The following SLC15A2 variants were observed in gnomAD, a reference collection of about 807,000 sequenced individuals.
SLC15A2 encodes kidney H(+)/peptide cotransporter.
A neutral mutation model predicts 95.5 loss-of-function variants in SLC15A2; 77 were observed. That is an observed-to-expected ratio of 0.81 (90% CI 0.67 to 0.97). The LOEUF (loss-of-function observed/expected upper bound fraction) is 0.97, where lower values mean the gene tolerates loss of function less well. SLC15A2 is among the 50% of genes least tolerant of loss of function. The pLI is 0.00. For missense variants in SLC15A2, 893 were observed against 874.4 expected, an observed-to-expected ratio of 1.02 and a Z score of -0.27; for synonymous variants, 306 against 306.9, an observed-to-expected ratio of 1.00 and a Z score of 0.03.
At chr3:121,935,816 G>T (rs1012194736) in intron 19 of SLC15A2, among the ~76,000 whole-genome samples, 26 of 152,176 alleles carry the variant, frequency 1.7e-4, no homozygotes, top group African/African-American at 4.6e-4. Flanking sequence ...GCTTTTGAAT[G>T]TGTTTGCTCT....
chr3:121,915,311 C>G lies in SLC15A2; in HGVS notation c.613C>G (p.Leu205Val), dbSNP rs568833467. 1.3e-6 allele frequency: 2 copies of G among 1,591,732 alleles called. No homozygotes were observed. Among genetic ancestry groups the G allele is most frequent in the Non-Finnish European group, 1.7e-6 (2 of 1,170,292 alleles). Residue 205 changes from leucine to valine, a missense_variant, in exon 6 of 22, where the codon CTG (leucine) becomes GTG (valine). By Grantham distance (32) the Leu-to-Val change is conservative. Coordinates refer to ENST00000489711, the MANE Select transcript of SLC15A2 (RefSeq NM_021082.4). ...SLISTFITPMLRGDVQCFGED... is the reference protein window; with the variant it reads ...SLISTFITPMVRGDVQCFGED... ...GATTTCTACATTTATCACACCCATGCTGAGAGGTTAGGATTTTTTTGAGGG... is the reference window on the plus strand; with the variant it reads ...GATTTCTACATTTATCACACCCATGGTGAGAGGTTAGGATTTTTTTGAGGG...
In SLC15A2 at chr3:121,900,452, G is replaced by A. The variant is rs79467306; in HGVS notation, c.335+2923G>A. 2.8e-4 allele frequency among the ~76,000 whole-genome samples: 43 copies of A among 152,174 alleles called. No homozygotes were observed. In the East Asian group the frequency reaches 8.3e-3, roughly 29 times the overall value. ...CCTACAATTGAGCATATATGCTACT[G>A]CCAAATTAATTTTCCTAAAAGAAAT... On this transcript the variant is annotated intron_variant, in intron 3 of 21. Coordinates refer to ENST00000489711, the MANE Select transcript of SLC15A2 (RefSeq NM_021082.4).
chr3:121,940,766 T>C, intron 21 of SLC15A2, 65 bp from the exon 22 acceptor site: 1 of 1,522,762 alleles, frequency 6.6e-7, no homozygotes, highest in Non-Finnish European at 8.9e-7. Context: ...CCACTCCTCA[T>C]CCTGTAAAGA....
intron 13 of SLC15A2, among the ~76,000 whole-genome samples, chr3:121,927,267 T>A (rs1283275406): frequency 1.3e-5 from 2 of 152,190 alleles, no homozygotes; most frequent in African/African-American, 4.8e-5. Flanking sequence ...ATGGTTTGAA[T>A]ATTTGTCCCT....
At chr3:121,919,774 A>G (rs1297916419) in intron 7 of SLC15A2, among the ~76,000 whole-genome samples, 1 of 152,246 alleles carries the variant, frequency 6.6e-6, no homozygotes, top group Non-Finnish European at 1.5e-5. Context: ...TTGGAAGGTG[A>G]CATGGATTCA....
intron 13 of SLC15A2, among the ~76,000 whole-genome samples, chr3:121,926,589 C>A (rs902250381): frequency 1.3e-5 from 2 of 152,210 alleles, no homozygotes; most frequent in Non-Finnish European, 2.9e-5. Context: ...CATGCAGAAA[C>A]CGGCTGCAGG....
chr3:121,894,592 A>G lies in SLC15A2; in HGVS notation c.105+11A>G, dbSNP rs370267434. On this transcript the variant is annotated intron_variant, in intron 1 of 21. Coordinates refer to ENST00000489711, the MANE Select transcript of SLC15A2 (RefSeq NM_021082.4). ...AAGAAGCCATCTCCGGTGAGTCCTTAGATTCAATCCTGCCTCTGAGAGGAA... is the reference window on the plus strand; with the variant it reads ...AAGAAGCCATCTCCGGTGAGTCCTTGGATTCAATCCTGCCTCTGAGAGGAA... The G allele has an allele frequency of 6.2e-7, 1 of 1,603,736 alleles. No individual in the cohort carries two copies. The highest frequency in any genetic ancestry group is 1.3e-5 in the African/African-American group (1 of 74,656).
chr3:121,932,165 A>G (rs753108437), intron 19 of SLC15A2, among the ~76,000 whole-genome samples: 2 of 152,092 alleles, frequency 1.3e-5, no homozygotes, highest in Non-Finnish European at 2.9e-5. Context: ...CAGCCTCCCA[A>G]AGTGTTGAGA....
rs1255337407 is a variant in SLC15A2 at position 121,940,378 on chromosome 3, C to A, written c.1909-6C>A. On this transcript the variant is annotated splice_polypyrimidine_tract_variant and splice_region_variant and intron_variant, in intron 20 of 21. Coordinates refer to ENST00000489711, the MANE Select transcript of SLC15A2 (RefSeq NM_021082.4). The stretch of plus-strand genomic sequence containing the variant: ...TTGTTTACTTTCAAACTTGTGTCAT[C>A]CCCAGGCTCCCTCTAGCATGAAATC... The A allele has an allele frequency of 6.2e-7, 1 of 1,612,284 alleles. No homozygotes were observed. Among genetic ancestry groups the A allele is most frequent in the East Asian group, 2.2e-5 (1 of 44,850 alleles).
chr3:121,922,979 A>T (rs1193902720), intron 9 of SLC15A2, 61 bp from the exon 10 acceptor site: 2 of 1,577,094 alleles, frequency 1.3e-6, no homozygotes, highest in African/African-American at 2.7e-5. Context: ...CTTCTACTTT[A>T]AGCAAGAAAG....
rs545269110 is a variant in SLC15A2, at chr3:121,925,845, A to C, written c.1124+812A>C. Among the ~76,000 whole-genome samples, 314 of 144,102 alleles carry C rather than the reference A, an allele frequency of 2.2e-3. 2 individuals carry two copies. Among genetic ancestry groups the C allele is most frequent in the Non-Finnish European group, 2.5e-3 (162 of 65,870 alleles). 94.5% of individuals were successfully genotyped at this position (144,102 alleles called of 152,430 possible). ...GAAGGGAAGATCAAGTGCCAAGGAG[A>C]GGTAGAAAAGAAAAAGTCCCTCCCC... On this transcript the variant is annotated intron_variant, in intron 13 of 21. Transcript: ENST00000489711.
chr3:121,934,736 C>G (rs935208592), intron 19 of SLC15A2, among the ~76,000 whole-genome samples: 3 of 152,144 alleles, frequency 2.0e-5, no homozygotes, highest in Non-Finnish European at 4.4e-5. Context: ...TCCTCTTTTC[C>G]TAATTGAATA....
chr3:121,939,355 A>G lies in SLC15A2; in HGVS notation c.1768A>G (p.Asn590Asp). 1 of 1,530,414 alleles carries G rather than the reference A, an allele frequency of 6.5e-7. No homozygotes were observed. The highest frequency in any genetic ancestry group is 1.3e-5 in the South Asian group (1 of 77,218). 94.8% of individuals were successfully genotyped at this position (1,530,414 alleles called of 1,614,324 possible). Residue 590 changes from asparagine to aspartate, a missense_variant, in exon 20 of 22, where the codon AAT becomes GAT. Asn to Asp is a conservative substitution (Grantham distance 23, BLOSUM62 1). Transcript: ENST00000489711. Reference sequence around the variant, plus strand: ...CATTTTCTCTTTCCCTAAGAACACCAATCAGGGTCTTCAGGCCTGGAAGAT... The same window carrying G: ...CATTTTCTCTTTCCCTAAGAACACCGATCAGGGTCTTCAGGCCTGGAAGAT... Reference protein sequence around the residue: ...AYLFVITNNTNQGLQAWKIED... With the variant: ...AYLFVITNNTDQGLQAWKIED...
chr3:121,940,711 C>T, intron 21 of SLC15A2, 120 bp from the exon 22 acceptor site: 1 of 1,090,856 alleles, frequency 9.2e-7, no homozygotes, highest in Non-Finnish European at 1.3e-6. Flanking sequence ...AGTCTTTGTC[C>T]AGCAAAAGTC....
At chr3:121,924,890 C>G (rs1710083069) in intron 12 of SLC15A2, 55 bp from the exon 13 acceptor site, 1 of 1,247,642 alleles carries the variant, frequency 8.0e-7, no homozygotes, top group Non-Finnish European at 1.2e-6. Context: ...GTGCAGTGCT[C>G]ACACTCATGA....
chr3:121,895,373 G>A (rs1156805967), intron 1 of SLC15A2: 1 of 152,102 alleles, frequency 6.6e-6, no homozygotes, highest in Non-Finnish European at 1.5e-5. Context: ...AGCTGCAAAG[G>A]TAAGAAGCCC....
At chr3:121,913,389 G>A (rs1709814021) in intron 5 of SLC15A2, among the ~76,000 whole-genome samples, 1 of 152,200 alleles carries the variant, frequency 6.6e-6, no homozygotes, top group Admixed American at 6.5e-5. Flanking sequence ...CAAGAATTGA[G>A]GAGAATACTA....
At position 121,940,378 on chromosome 3, in the gene SLC15A2, C is replaced by T; in HGVS notation, c.1909-6C>T. The T allele has an allele frequency of 3.1e-6, 5 of 1,612,284 alleles. No individual in the cohort carries two copies. Among genetic ancestry groups the T allele is most frequent in the South Asian group, 1.1e-5 (1 of 91,026 alleles). On this transcript the variant is annotated splice_polypyrimidine_tract_variant and splice_region_variant and intron_variant, in intron 20 of 21. Coordinates refer to ENST00000489711, the MANE Select transcript of SLC15A2 (RefSeq NM_021082.4). ...TTGTTTACTTTCAAACTTGTGTCATCCCCAGGCTCCCTCTAGCATGAAATC... is the reference window on the plus strand; with the variant it reads ...TTGTTTACTTTCAAACTTGTGTCATTCCCAGGCTCCCTCTAGCATGAAATC...
intron 21 of SLC15A2, 132 bp downstream of exon 21, chr3:121,940,620 C>T (rs1710442600): frequency 1.2e-6 from 1 of 847,256 alleles, no homozygotes; most frequent in African/African-American, 1.7e-5. Context: ...GTTAGATATA[C>T]AGACTTTACC....
Sources: gnomAD v4.1 joint callset for allele counts (sites outside exome capture counted in the v4.1 genomes callset) on GRCh38, gnomAD v4.1.1 for gene constraint, MANE v1.5 for transcripts, NCBI Gene and HGNC (gene_info 2026-07-23, HGNC 2026-07-21) for gene names.